ACCSL: variants seen among roughly 807,000 people sequenced by gnomAD.
ACCSL encodes the protein 1-aminocyclopropane-1-carboxylate synthase homolog (inactive) like.
A neutral mutation model predicts 61.7 loss-of-function variants in ACCSL; 55 were observed. The observed-to-expected ratio is 0.89, with a 90% confidence interval of 0.72 to 1.12. ACCSL has a LOEUF of 1.12. ACCSL is among the 50% of genes most tolerant of loss of function. The pLI, the probability that ACCSL is intolerant of heterozygous loss-of-function variation, is 0.00. For synonymous variants in ACCSL, 258 were observed against 264.3 expected, an observed-to-expected ratio of 0.98 and a Z score of 0.23; for missense variants, 632 against 698.0, an observed-to-expected ratio of 0.91 and a Z score of 1.07.
At chr11:43,988,501 G>A in the ACCSL span, among the ~76,000 whole-genome samples, 1 of 151,906 alleles carries the variant, frequency 6.6e-6, no homozygotes, top group Non-Finnish European at 1.5e-5. Context: ...CATGTAGAAG[G>A]GGGTCTCGGT....
Position 44,050,554 on chromosome 11 carries a change from G to A in ACCSL, c.567G>A (p.Leu189=). The A allele has an allele frequency of 1.9e-6, 3 of 1,613,932 alleles. No homozygotes were observed. The highest frequency in any genetic ancestry group is 2.5e-6 in the Non-Finnish European group (3 of 1,179,952). The part of the protein sequence containing the change: ...KLCMDLMTER[L]QESDMNCIED... The stretch of plus-strand genomic sequence containing the variant: ...CTTCATGTTCTATTTGTCAACAGTT[G>A]CAAGAAAGTGACATGAACTGCATTG... Residue 189 remains leucine (L), a splice_region_variant and synonymous_variant, in exon 3 of 14, where the codon TTG becomes TTA. Coordinates refer to ENST00000378832, the MANE Select transcript of ACCSL (RefSeq NM_001031854.2).
At chr11:43,992,099 T>A in the ACCSL span, among the ~76,000 whole-genome samples, 1 of 146,508 alleles carries the variant, frequency 6.8e-6, no homozygotes. Flanking sequence ...TTGCCCAGGC[T>A]GGAGTGCAGA....
chr11:43,987,045 C>T, the ACCSL span, among the ~76,000 whole-genome samples: 1 of 152,116 alleles, frequency 6.6e-6, no homozygotes, highest in African/African-American at 2.4e-5. Flanking sequence ...CACAGCGGGG[C>T]CTGGGACCCT....
the ACCSL span, among the ~76,000 whole-genome samples, chr11:43,970,419 GTC>G: frequency 6.6e-6 from 1 of 152,122 alleles, no homozygotes; most frequent in Non-Finnish European, 1.5e-5. Context: ...GCTCAGGTTG[GTC>G]TCAAACTCCC....
chr11:44,035,075 G>A, the ACCSL span, among the ~76,000 whole-genome samples: 1,937 of 152,218 alleles, frequency 0.013, 39 homozygotes, highest in African/African-American at 0.044. Context: ...TTCCCCCAGA[G>A]ATCCATGTAG....
the ACCSL span, chr11:43,945,186 T>A: frequency 1.3e-5 from 2 of 152,386 alleles, no homozygotes; most frequent in East Asian, 3.9e-4. Flanking sequence ...CGGGTTCCAC[T>A]GTGGTGGGGT....
chr11:44,026,638 A>T, the ACCSL span, among the ~76,000 whole-genome samples: 7 of 152,286 alleles, frequency 4.6e-5, no homozygotes, highest in South Asian at 1.5e-3. Flanking sequence ...GGACATCTAA[A>T]ATAACATAAT....
the ACCSL span, among the ~76,000 whole-genome samples, chr11:43,983,778 G>C: frequency 2.0e-5 from 3 of 152,020 alleles, no homozygotes; most frequent in South Asian, 4.2e-4. Flanking sequence ...TGGGGGTTAT[G>C]TGACCTCCTT....
the ACCSL span, among the ~76,000 whole-genome samples, chr11:43,939,091 T>C: frequency 6.6e-6 from 1 of 152,202 alleles, no homozygotes. Flanking sequence ...ATCTCTTTCT[T>C]GTAATATTTT....
the ACCSL span, among the ~76,000 whole-genome samples, chr11:44,006,549 A>C: frequency 7.7e-6 from 1 of 130,404 alleles, no homozygotes; most frequent in Non-Finnish European, 1.5e-5. Context: ...TCTGTTACCC[A>C]GGCTGGAGTG....
At chr11:44,004,302 C>A in the ACCSL span, among the ~76,000 whole-genome samples, 2 of 151,980 alleles carry the variant, frequency 1.3e-5, no homozygotes, top group African/African-American at 2.4e-5. Context: ...GGACACAGAG[C>A]GGGTTTTCTG....
the ACCSL span, among the ~76,000 whole-genome samples, chr11:43,948,893 C>G: frequency 1.2e-3 from 187 of 152,334 alleles, no homozygotes; most frequent in Non-Finnish European, 2.1e-3. Flanking sequence ...GCTGAACCCC[C>G]CTAGGGGCTG....
the ACCSL span, chr11:43,925,136 C>T: frequency 5.6e-5 from 14 of 248,970 alleles, no homozygotes; most frequent in Non-Finnish European, 1.0e-4. Context: ...CTCCCCTAGC[C>T]TGCCCAGCTG....
the ACCSL span, among the ~76,000 whole-genome samples, chr11:43,948,896 AG>A: frequency 1.3e-5 from 2 of 152,162 alleles, no homozygotes; most frequent in African/African-American, 4.8e-5. Context: ...GAACCCCCCT[AG>A]GGGCTGCTCC....
chr11:43,927,579 G>A, the ACCSL span, among the ~76,000 whole-genome samples: 40 of 152,292 alleles, frequency 2.6e-4, no homozygotes, highest in Non-Finnish European at 4.6e-4. Flanking sequence ...GTGTGGCTGG[G>A]TGCAGTCCTG....
chr11:44,003,833 C>G, the ACCSL span, among the ~76,000 whole-genome samples: 34 of 152,258 alleles, frequency 2.2e-4, no homozygotes, highest in African/African-American at 7.7e-4. Context: ...GACTGCTGCC[C>G]GGGGGCTGTG....
At position 44,048,235 on chromosome 11, in the gene ACCSL, C is replaced by G; in HGVS notation, c.199C>G (p.His67Asp). ...GAGGCACACTGAGGCCATCTGTGAG[C>G]ATGAAGCCCTTCTGAGTCGCTTAAT... ...ERRHTEAICE[H>D]EALLSRLICR... The change falls in exon 1 of 14, where the codon CAT (histidine) becomes GAT (aspartate). Residue 67 changes from histidine (H) to aspartate (D), a missense_variant. His to Asp is a moderately conservative substitution (Grantham distance 81, BLOSUM62 -1). Coordinates refer to ENST00000378832, the MANE Select transcript of ACCSL (RefSeq NM_001031854.2). 1 of 1,614,174 alleles carries G rather than the reference C, an allele frequency of 6.2e-7. No homozygotes were observed. Among genetic ancestry groups the G allele is most frequent in the South Asian group, 1.1e-5 (1 of 91,078 alleles).
At chr11:43,933,877 G>T in the ACCSL span, among the ~76,000 whole-genome samples, 1 of 152,136 alleles carries the variant, frequency 6.6e-6, no homozygotes, top group Admixed American at 6.5e-5. Flanking sequence ...GGGGTGCCAG[G>T]GTGCCTCCTC....
the ACCSL span, among the ~76,000 whole-genome samples, chr11:44,005,721 C>T: frequency 6.6e-6 from 1 of 152,160 alleles, no homozygotes; most frequent in Non-Finnish European, 1.5e-5. Flanking sequence ...CCTCCCCCGC[C>T]CTCTACCCCC....
Sources: gnomAD v4.1 joint callset for allele counts (sites outside exome capture counted in the v4.1 genomes callset) on GRCh38, gnomAD v4.1.1 for gene constraint, MANE v1.5 for transcripts, NCBI Gene and HGNC (gene_info 2026-07-23, HGNC 2026-07-21) for gene names.